PAK1: variants seen among roughly 807,000 people sequenced by gnomAD.
PAK1 encodes serine/threonine-protein kinase PAK 1.
Under a neutral mutation model 67.4 loss-of-function variants are expected in PAK1, and 29 were observed. That is an observed-to-expected ratio of 0.43 (90% CI 0.32 to 0.59). The LOEUF (loss-of-function observed/expected upper bound fraction) is 0.59, where lower values mean the gene tolerates loss of function less well. PAK1 is among the 20% of genes least tolerant of loss of function. PAK1 has a pLI of 0.07. For synonymous variants in PAK1, 223 were observed against 237.4 expected (o/e 0.94, Z 0.56); for missense variants, 337 against 670.7 (o/e 0.50, Z 5.50).
intron 1 of PAK1, among the ~76,000 whole-genome samples, chr11:77,455,631 T>TTTC (rs1957048869): frequency 2.0e-5 from 3 of 152,190 alleles, no homozygotes; most frequent in Admixed American, 2.0e-4. Flanking sequence ...CTGATATCCT[T>TTTC]TAATAAATCT....
chr11:77,440,645 A>C lies in PAK1; in HGVS notation c.-22+32907T>G, dbSNP rs572657716. 3.1e-3 allele frequency among the ~76,000 whole-genome samples: 474 copies of C among 152,340 alleles called. 2 individuals are homozygous for C. The highest frequency in any genetic ancestry group is 0.011 in the African/African-American group (454 of 41,596). ...CTAAACCATTAATTTCCAGGCTTCT[A>C]TTCCAAAATAGAATATTTACTTGGA... On this transcript the variant is annotated intron_variant, in intron 1 of 14. Transcript: ENST00000356341.
intron 1 of PAK1, among the ~76,000 whole-genome samples, chr11:77,422,149 C>T (rs1167280510): frequency 6.6e-6 from 1 of 152,152 alleles, no homozygotes; most frequent in Non-Finnish European, 1.5e-5. Context: ...TATATATCTC[C>T]TCATTTGCTA....
chr11:77,463,000 TG>T (rs1185924220), intron 1 of PAK1, among the ~76,000 whole-genome samples: 4 of 25,180 alleles, frequency 1.6e-4, no homozygotes, highest in Non-Finnish European at 2.3e-4. Context: ...GGGGGTGGGG[TG>T]GGGGGGCTTT....
At chr11:77,447,269 A>G (rs1956655180) in intron 1 of PAK1, among the ~76,000 whole-genome samples, 1 of 152,190 alleles carries the variant, frequency 6.6e-6, no homozygotes, top group South Asian at 2.1e-4. Flanking sequence ...CCCTGGTGAG[A>G]ACCTGTTCAA....
Position 77,337,334 on chromosome 11 carries a change from A to C in PAK1, c.1206T>G (p.Ser402=). 6.3e-7 allele frequency: 1 copy of C among 1,582,464 alleles called. No individual in the cohort carries two copies. Among genetic ancestry groups the C allele is most frequent in the Non-Finnish European group, 8.7e-7 (1 of 1,152,142 alleles). ...AAGGCTCCTACTTACTTAGCTTGAC[A>C]GAGCCATCCATTCCCAACAGAATAT... is the stretch of plus-strand genomic sequence containing the variant. The part of the protein sequence containing the change: ...SDNILLGMDG[S]VKLTDFGFCA... The change falls in exon 12 of 15, where the codon TCT becomes TCG. Residue 402 remains serine (S), a synonymous_variant. Coordinates refer to ENST00000356341, the MANE Select transcript of PAK1 (RefSeq NM_002576.5).
intron 1 of PAK1, among the ~76,000 whole-genome samples, chr11:77,409,090 C>A (rs1313463210): frequency 6.6e-6 from 1 of 150,580 alleles, no homozygotes; most frequent in Non-Finnish European, 1.5e-5. Flanking sequence ...CATAAGGAGA[C>A]CACACTTCTA....
chr11:77,352,187 G>A (rs1465705567), intron 8 of PAK1, among the ~76,000 whole-genome samples: 4 of 151,344 alleles, frequency 2.6e-5, no homozygotes. Context: ...CATTACCCCC[G>A]AAGATTCCTT....
the PAK1 span, among the ~76,000 whole-genome samples, chr11:77,486,007 T>C: frequency 6.6e-6 from 1 of 152,188 alleles, no homozygotes; most frequent in Non-Finnish European, 1.5e-5. Flanking sequence ...TACAGCTCAC[T>C]CCTCCTAACT....
chr11:77,461,628 A>G (rs1055011064), intron 1 of PAK1, among the ~76,000 whole-genome samples: 1 of 152,232 alleles, frequency 6.6e-6, no homozygotes, highest in Admixed American at 6.5e-5. Flanking sequence ...ACTTAGGTCT[A>G]CATTATGATT....
intron 8 of PAK1, among the ~76,000 whole-genome samples, chr11:77,352,680 C>T (rs866471257): frequency 4.6e-5 from 7 of 152,096 alleles, no homozygotes; most frequent in Non-Finnish European, 5.9e-5. Context: ...CATAAATATA[C>T]CTTTTTTTTA....
At chr11:77,511,441 T>C in the PAK1 span, among the ~76,000 whole-genome samples, 1 of 152,206 alleles carries the variant, frequency 6.6e-6, no homozygotes, top group Non-Finnish European at 1.5e-5. Context: ...TTTTTATTCC[T>C]TTCAGCACTA....
At chr11:77,427,771 A>T (rs1179031883) in intron 1 of PAK1, among the ~76,000 whole-genome samples, 1 of 152,246 alleles carries the variant, frequency 6.6e-6, no homozygotes, top group East Asian at 1.9e-4. Flanking sequence ...GTAGAAAAAA[A>T]GGGGACTGTT....
At chr11:77,326,574 A>C (rs1381631426) in intron 14 of PAK1, among the ~76,000 whole-genome samples, 3 of 152,072 alleles carry the variant, frequency 2.0e-5, no homozygotes, top group Non-Finnish European at 4.4e-5. Context: ...AGTCCCAGCT[A>C]CTCTGGAGGC....
intron 13 of PAK1, among the ~76,000 whole-genome samples, chr11:77,335,372 A>G (rs1942506922): frequency 6.6e-6 from 1 of 152,216 alleles, no homozygotes; most frequent in Non-Finnish European, 1.5e-5. Flanking sequence ...TCAAATCAGC[A>G]CATTCAAAAC....
At chr11:77,518,677 T>C in the PAK1 span, among the ~76,000 whole-genome samples, 3 of 152,246 alleles carry the variant, frequency 2.0e-5, no homozygotes, top group African/African-American at 7.2e-5. Context: ...TCATCTGAAG[T>C]GTCATCACTG....
rs140252294 is a variant in PAK1, at chr11:77,464,780, T to C, written c.-22+8772A>G. Among the ~76,000 whole-genome samples, 3 of 152,318 alleles carry C rather than the reference T, an allele frequency of 2.0e-5. No individual in the cohort carries two copies. In the East Asian group the frequency reaches 5.8e-4, roughly 29 times the overall value. The stretch of plus-strand genomic sequence containing the variant: ...TACGTTCACCTACAGTTATGCAAAA[T>C]CATCTAACACAGAGTCTATTTTTTA... On this transcript the variant is annotated intron_variant, in intron 1 of 14. Transcript: ENST00000356341.
chr11:77,355,141 C>T (rs1433768029), intron 7 of PAK1, among the ~76,000 whole-genome samples: 1 of 152,058 alleles, frequency 6.6e-6, no homozygotes, highest in Non-Finnish European at 1.5e-5. Context: ...GATCATAATG[C>T]TTTTCTTCAC....
Position 77,323,310 on chromosome 11 carries a change from A to T in PAK1, c.1602T>A (p.Ile534=). The T allele has an allele frequency of 6.2e-7, 1 of 1,614,102 alleles. No homozygotes were observed. Among genetic ancestry groups the T allele is most frequent in the Non-Finnish European group, 8.5e-7 (1 of 1,179,974 alleles). Reference sequence around the variant, plus strand: ...TCTTTGTTGCCTCCTTAGCTGCAGCAATCAGTGGAGTGAGGCTGGAGAGGG... The same window carrying T: ...TCTTTGTTGCCTCCTTAGCTGCAGCTATCAGTGGAGTGAGGCTGGAGAGGG... ...AKPLSSLTPL[I]AAAKEATKNN... is the part of the protein sequence containing the mutation. The change falls in exon 15 of 15, where the codon ATT becomes ATA. Residue 534 remains isoleucine (I), a synonymous_variant. Transcript: ENST00000356341.
chr11:77,526,188 A>C, the PAK1 span, among the ~76,000 whole-genome samples: 281 of 152,362 alleles, frequency 1.8e-3, 2 homozygotes, highest in African/African-American at 6.4e-3. Context: ...GATTTTTGCT[A>C]ATCTAACGCA....
Sources: allele counts gnomAD v4.1 joint callset (sites outside exome capture counted in the v4.1 genomes callset), GRCh38; gene constraint gnomAD v4.1.1; transcripts MANE v1.5; gene names NCBI Gene and HGNC (gene_info 2026-07-23, HGNC 2026-07-21).